MINDY1: variants seen among roughly 807,000 people sequenced by gnomAD.
The protein encoded by MINDY1 is MINDY lysine 48 deubiquitinase 1.
A neutral mutation model predicts 53.6 loss-of-function variants in MINDY1; 50 were observed. The observed-to-expected ratio is 0.93, with a 90% confidence interval of 0.74 to 1.18. MINDY1 has a LOEUF of 1.18. Among genes scored for constraint, MINDY1 ranks in the 50% most tolerant of loss-of-function variants. The pLI is 0.00. For synonymous variants in MINDY1, 231 were observed against 234.7 expected (o/e 0.98, Z 0.14); for missense variants, 484 against 578.6 (o/e 0.84, Z 1.68).
rs1170059879 is a variant in MINDY1, at chr1:151,001,771, G to C, written c.465C>G (p.Pro155=). Residue 155 remains proline, a synonymous_variant, in exon 3 of 10, where the codon CCC becomes CCG. Transcript: ENST00000683666. ...ILFLQWKVKL[P]PQKEVITSDE... is the part of the protein sequence containing the mutation. The stretch of plus-strand genomic sequence containing the variant: ...CCGATGTGATCACTTCCTTCTGCGG[G>C]GGGAGCTTCACCTGGAGGCAGAAGG... 12 of 1,598,888 alleles carry C rather than the reference G, an allele frequency of 7.5e-6. No individual in the cohort carries two copies. The highest frequency in any genetic ancestry group is 9.4e-6 in the Non-Finnish European group (11 of 1,175,494).
chr1:150,999,812 T>C lies in MINDY1; in HGVS notation c.838+50A>G. 1 of 1,509,180 alleles carries C rather than the reference T, an allele frequency of 6.6e-7. No individual in the cohort carries two copies. Among genetic ancestry groups the C allele is most frequent in the Admixed American group, 1.7e-5 (1 of 58,870 alleles). 93.5% of individuals were successfully genotyped at this position (1,509,180 alleles called of 1,614,324 possible). On this transcript the variant is annotated intron_variant, in intron 6 of 9. Transcript: ENST00000683666. The surrounding 1 kb of genome is among the most constrained non-coding windows in gnomAD (Gnocchi z 4.4). ...ACACCCAATAAAAAATAAGCCTAAG[T>C]AGCTGTCATTCCCTCCACATACTAT... is the stretch of plus-strand genomic sequence containing the variant.
upstream of MINDY1, chr1:151,008,304 G>C: frequency 7.8e-7 from 1 of 1,286,526 alleles, no homozygotes; most frequent in South Asian, 1.7e-5. Context: ...TCGGTTGCTA[G>C]GGACATTGCG....
At chr1:151,006,182 G>C in intron 1 of MINDY1, 130 bp downstream of exon 1, 1 of 1,551,102 alleles carries the variant, frequency 6.4e-7, no homozygotes, top group Non-Finnish European at 8.7e-7. Flanking sequence ...TCCTGACTTA[G>C]CTCCTCTAAG....
chr1:150,999,585 G>T lies in MINDY1; in HGVS notation c.839-74C>A. On this transcript the variant is annotated intron_variant, in intron 6 of 9. Coordinates refer to ENST00000683666, the MANE Select transcript of MINDY1 (RefSeq NM_001376665.1). The surrounding 1 kb of genome is among the most constrained non-coding windows in gnomAD (Gnocchi z 4.4). ...CACAACAGGAAGGACCATCCAGAGAGCCCCTGTCAAAAGCCCCGGGGGGTC... is the reference window on the plus strand; with the variant it reads ...CACAACAGGAAGGACCATCCAGAGATCCCCTGTCAAAAGCCCCGGGGGGTC... 6.3e-7 allele frequency: 1 copy of T among 1,581,652 alleles called. No individual in the cohort carries two copies. Among genetic ancestry groups the T allele is most frequent in the Non-Finnish European group, 8.6e-7 (1 of 1,164,514 alleles).
intron 1 of MINDY1, among the ~76,000 whole-genome samples, chr1:151,005,938 T>A (rs1673147507): frequency 6.6e-6 from 1 of 152,110 alleles, no homozygotes; most frequent in Non-Finnish European, 1.5e-5. Context: ...GTAAAACAGG[T>A]ATGTAGCTTC....
chr1:150,998,459 A>C (rs1240131485), intron 7 of MINDY1, among the ~76,000 whole-genome samples, 186 bp from the exon 8 acceptor site: 1 of 152,140 alleles, frequency 6.6e-6, no homozygotes, highest in Non-Finnish European at 1.5e-5. Flanking sequence ...GGTTCACACC[A>C]TTCTCCTGCC....
intron 1 of MINDY1, 187 bp downstream of exon 1, chr1:151,006,125 T>C (rs1192457357): frequency 1.9e-6 from 3 of 1,551,682 alleles, no homozygotes; most frequent in East Asian, 4.9e-5. Context: ...GGTTTCGTGC[T>C]TTCATTAAAA....
At chr1:151,004,062 A>C (rs1382822495) in intron 1 of MINDY1, among the ~76,000 whole-genome samples, 1 of 152,130 alleles carries the variant, frequency 6.6e-6, no homozygotes, top group Admixed American at 6.5e-5. Context: ...AGCTGGGATT[A>C]CAGGCATGCA....
intron 1 of MINDY1, 41 bp downstream of exon 1, chr1:151,006,271 G>A: frequency 1.2e-5 from 18 of 1,463,154 alleles, no homozygotes; most frequent in Non-Finnish European, 1.5e-5. Context: ...AGAGAAGGGT[G>A]GGAGAAGAGG....
At position 151,000,545 on chromosome 1, in the gene MINDY1, C is replaced by A. The variant is rs1571721416; in HGVS notation, c.647G>T (p.Gly216Val). 5 of 1,614,120 alleles carry A rather than the reference C, an allele frequency of 3.1e-6. No homozygotes were observed. The East Asian group carries it at 1.1e-4, about 36-fold the overall frequency. The change falls in exon 5 of 10, where the codon GGC becomes GTC. Residue 216 changes from glycine to valine, a missense_variant. Transcript: ENST00000683666. ...TGLDVNVRFTGVSDFEYTPEC... is the reference protein window; with the variant it reads ...TGLDVNVRFTVVSDFEYTPEC... ...GGGTGTATACTCAAAATCAGAGACG[C>A]CTGTGAATCGCACATTGACATCCAG... is the stretch of plus-strand genomic sequence containing the variant.
In MINDY1 at chr1:151,000,672, C is replaced by T. The variant is rs914153250; in HGVS notation, c.577-57G>A. 2.8e-5 allele frequency: 43 copies of T among 1,540,728 alleles called. No individual in the cohort carries two copies. In the African/African-American group the frequency reaches 5.8e-4, roughly 21 times the overall value. On this transcript the variant is annotated intron_variant, in intron 4 of 9. Coordinates refer to ENST00000683666, the MANE Select transcript of MINDY1 (RefSeq NM_001376665.1). The stretch of plus-strand genomic sequence containing the variant: ...TAGCCTTCTCTCCCACCACTCCACT[C>T]CCACCTGCAGAAATTAAAAATTAAC...
At position 151,000,590 on chromosome 1, in the gene MINDY1, A is replaced by C. The variant is rs753260477; in HGVS notation, c.602T>G (p.Leu201Arg). The change falls in exon 5 of 10, where the codon CTG (leucine) becomes CGG (arginine). Residue 201 changes from leucine to arginine, a missense_variant. Physicochemically the swap from Leu to Arg is moderately radical, Grantham distance 102. Coordinates refer to ENST00000683666, the MANE Select transcript of MINDY1 (RefSeq NM_001376665.1). Reference protein sequence around the residue: ...QQNVDDAMTVLPKLATGLDVN... With the variant: ...QQNVDDAMTVRPKLATGLDVN... Reference sequence around the variant, plus strand: ...ATCCAGACCTGTGGCCAGTTTAGGCAGCACTGTCATTGCATCATCCACATT... The same window carrying C: ...ATCCAGACCTGTGGCCAGTTTAGGCCGCACTGTCATTGCATCATCCACATT... 6.2e-7 allele frequency: 1 copy of C among 1,612,484 alleles called. No homozygotes were observed. Among genetic ancestry groups the C allele is most frequent in the Admixed American group, 1.7e-5 (1 of 59,474 alleles).
Position 151,002,216 on chromosome 1 carries a change from GT to G in MINDY1, c.401del (p.Asn134ThrfsTer10). The G allele has an allele frequency of 6.2e-7, 1 of 1,614,052 alleles. No individual in the cohort carries two copies. The highest frequency in any genetic ancestry group is 8.5e-7 in the Non-Finnish European group (1 of 1,179,950). On this transcript the variant is annotated frameshift_variant, in exon 2 of 10. Coordinates refer to ENST00000683666, the MANE Select transcript of MINDY1 (RefSeq NM_001376665.1). LOFTEE classifies it high-confidence loss of function. The surrounding 1 kb of genome is among the most constrained non-coding windows in gnomAD (Gnocchi z 4.1). ...EQTPIITQSTNGPCPLLAIMN... is the reference protein window; with the variant it reads ...EQTPIITQSTXGPCPLLAIMN... Reference sequence around the variant, plus strand: ...TGATGGCAAGGAGAGGGCAAGGGCCGTTAGTGCTCTGGGTGATGATGGGTGT... The same window carrying G: ...TGATGGCAAGGAGAGGGCAAGGGCCGTAGTGCTCTGGGTGATGATGGGTGT...
At chr1:150,997,440 G>A (rs1418418099) in intron 9 of MINDY1, 73 bp from the exon 10 acceptor site, 1 of 1,547,218 alleles carries the variant, frequency 6.5e-7, no homozygotes, top group Non-Finnish European at 8.8e-7. Flanking sequence ...AAGAAGGGGT[G>A]TCAGGATTGG....
At chr1:151,007,689 A>C (rs755725238), upstream of MINDY1, among the ~76,000 whole-genome samples, 1 of 152,036 alleles carries the variant, frequency 6.6e-6, no homozygotes, top group Non-Finnish European at 1.5e-5. Flanking sequence ...TAAATGAGGG[A>C]ATTTTTGATG....
chr1:151,008,044 C>G (rs1396687094), upstream of MINDY1, among the ~76,000 whole-genome samples: 1 of 152,170 alleles, frequency 6.6e-6, no homozygotes, highest in East Asian at 1.9e-4. Context: ...CTAATGTTCT[C>G]CTAACATGAA....
chr1:151,005,037 T>A (rs1466460506), intron 1 of MINDY1, among the ~76,000 whole-genome samples: 1 of 152,114 alleles, frequency 6.6e-6, no homozygotes, highest in Non-Finnish European at 1.5e-5. Context: ...AAAAATTGCC[T>A]GCAGGCCTTA....
chr1:151,007,836 A>C (rs1673396629), upstream of MINDY1, among the ~76,000 whole-genome samples: 1 of 152,206 alleles, frequency 6.6e-6, no homozygotes, highest in Non-Finnish European at 1.5e-5. Flanking sequence ...ATGAAATTTC[A>C]AGCAACTCTA....
At chr1:151,001,579 A>G (rs1672577640) in intron 3 of MINDY1, 146 bp downstream of exon 3, 2 of 1,047,124 alleles carry the variant, frequency 1.9e-6, no homozygotes, top group East Asian at 5.1e-5. Flanking sequence ...TTCATTCTCC[A>G]GCCTTGCAGA....
Sources: gnomAD v4.1 joint callset for allele counts (sites outside exome capture counted in the v4.1 genomes callset) on GRCh38, gnomAD v4.1.1 for gene constraint, Gnocchi (gnomAD v3.1) non-coding constraint, MANE v1.5 for transcripts, NCBI Gene and HGNC (gene_info 2026-07-23, HGNC 2026-07-21) for gene names.